The following CABYR variants were observed in gnomAD, a reference collection of about 807,000 sequenced individuals.
CABYR encodes calcium-binding tyrosine phosphorylation-regulated protein.
A neutral mutation model predicts 36.1 loss-of-function variants in CABYR; 31 were observed. The observed-to-expected ratio is 0.86, with a 90% CI of 0.64 to 1.16. CABYR has a LOEUF of 1.16. Ranked by LOEUF, CABYR falls within the 50% of genes most tolerant of loss-of-function variation. The pLI is 0.00. For missense variants in CABYR, 429 were observed against 455.8 expected (o/e 0.94, Z 0.53); for synonymous variants, 146 against 160.7 (o/e 0.91, Z 0.69).
chr18:24,150,073 C>A (rs956889124), intron 3 of CABYR, among the ~76,000 whole-genome samples: 12 of 152,358 alleles, frequency 7.9e-5, no homozygotes, highest in Admixed American at 6.5e-4. Context: ...GCGCCAAGAG[C>A]GAGCAAGGGC....
At chr18:24,156,080 GTTAA>G in intron 4 of CABYR, 38 bp downstream of exon 4, 1 of 1,614,210 alleles carries the variant, frequency 6.2e-7, no homozygotes, top group South Asian at 1.1e-5. Context: ...AATCTGATGT[GTTAA>G]TGGTGGATGT....
chr18:24,155,976 A>G lies in CABYR; in HGVS notation c.475A>G (p.Thr159Ala). 3.1e-6 allele frequency: 5 copies of G among 1,614,070 alleles called. No homozygotes were observed. The highest frequency in any genetic ancestry group is 4.2e-6 in the Non-Finnish European group (5 of 1,180,016). ...TTTPPSSPPP[T>A]AVSPEFAYVP... ...TACCCCACCCTCATCACCACCTCCA[A>G]CAGCTGTCTCACCAGAGTTTGCCTA... The change falls in exon 4 of 6, where the codon ACA becomes GCA. Residue 159 changes from threonine (T) to alanine (A), a missense_variant. By Grantham distance (58) the Thr-to-Ala change is moderately conservative (BLOSUM62 0). Coordinates refer to ENST00000399496, the MANE Select transcript of CABYR (RefSeq NM_153769.3).
In CABYR at chr18:24,156,430, A is replaced by C; in HGVS notation, c.541+388A>C. 4 of 1,614,178 alleles carry C rather than the reference A, an allele frequency of 2.5e-6. No homozygotes were observed. In the South Asian group the frequency reaches 4.4e-5, roughly 18 times the overall value. On this transcript the variant is annotated intron_variant, in intron 4 of 5. Coordinates refer to ENST00000399496, the MANE Select transcript of CABYR (RefSeq NM_153769.3). ...GTGACTGAAGGAGTTGTTTATATCG[A>C]GCAACTGCCAGAACAAATAGTTATC... is the stretch of plus-strand genomic sequence containing the variant.
intron 1 of CABYR, among the ~76,000 whole-genome samples, chr18:24,142,255 G>T (rs2085341970): frequency 6.6e-6 from 1 of 152,032 alleles, no homozygotes; most frequent in Non-Finnish European, 1.5e-5. Flanking sequence ...GGAAGGGGAG[G>T]TTGCAGTTAG....
Position 24,159,783 on chromosome 18 carries a change from T to G in CABYR, c.853T>G (p.Ser285Ala). The part of the protein sequence containing the change: ...PLPGHAVVSQ[S>A]DVLRYVAMQV... ...TCCTGGACATGCTGTCGTTTCACAG[T>G]CAGATGTCTTGAGATATGTTGCAAT... The change falls in exon 5 of 6, where the codon TCA becomes GCA. Residue 285 changes from serine (S) to alanine (A), a missense_variant. Ser to Ala is a moderately conservative substitution (Grantham distance 99). Transcript: ENST00000399496. 1 of 1,614,114 alleles carries G rather than the reference T, an allele frequency of 6.2e-7. No individual in the cohort carries two copies. The highest frequency in any genetic ancestry group is 8.5e-7 in the Non-Finnish European group (1 of 1,180,022).
At chr18:24,152,964 A>G (rs928429871) in intron 3 of CABYR, 5 of 152,528 alleles carry the variant, frequency 3.3e-5, no homozygotes, top group Non-Finnish European at 7.3e-5. Context: ...TCACTGTACT[A>G]CAGGCCTCAA....
Position 24,143,392 on chromosome 18 carries a change from A to G in CABYR, c.178A>G (p.Lys60Glu). The G allele has an allele frequency of 6.4e-7, 1 of 1,569,300 alleles. No individual in the cohort carries two copies. The highest frequency in any genetic ancestry group is 1.4e-5 in the African/African-American group (1 of 73,772). The change falls in exon 3 of 6, where the codon AAA becomes GAA. Residue 60 changes from lysine to glutamate, a missense_variant. Coordinates refer to ENST00000399496, the MANE Select transcript of CABYR (RefSeq NM_153769.3). ...NTTMDIKDLVKQFHQIKVEKW... is the reference protein window; with the variant it reads ...NTTMDIKDLVEQFHQIKVEKW... ...TACTATGGATATAAAAGATCTGGTT[A>G]AACAATTTCATCAGATTAAAGGTAA...
At chr18:24,144,823 A>T (rs1255930467) in intron 3 of CABYR, among the ~76,000 whole-genome samples, 1 of 152,254 alleles carries the variant, frequency 6.6e-6, no homozygotes, top group East Asian at 1.9e-4. Context: ...ACAGATTTTT[A>T]AACCAAGATC....
At chr18:24,141,782 C>T (rs2085327145) in intron 1 of CABYR, among the ~76,000 whole-genome samples, 1 of 152,082 alleles carries the variant, frequency 6.6e-6, no homozygotes, top group Non-Finnish European at 1.5e-5. Context: ...CTGAGAATTA[C>T]AGGTTGGTCT....
At chr18:24,155,295 G>A (rs2085748872) in intron 3 of CABYR, among the ~76,000 whole-genome samples, 1 of 152,150 alleles carries the variant, frequency 6.6e-6, no homozygotes, top group Non-Finnish European at 1.5e-5. Context: ...ACCTTAGGAT[G>A]ATATCTGATT....
At chr18:24,157,770 A>G (rs1477802260) in intron 4 of CABYR, among the ~76,000 whole-genome samples, 1 of 152,088 alleles carries the variant, frequency 6.6e-6, no homozygotes, top group Non-Finnish European at 1.5e-5. Context: ...ACATGATGTG[A>G]CCTTCATCTC....
intron 3 of CABYR, among the ~76,000 whole-genome samples, chr18:24,145,461 C>A (rs2085436374): frequency 6.6e-6 from 1 of 152,160 alleles, no homozygotes; most frequent in South Asian, 2.1e-4. Context: ...ATAGCCCAAG[C>A]AGTGAGTGAA....
intron 3 of CABYR, chr18:24,150,529 CTT>C (rs2085593603): frequency 1.1e-6 from 1 of 941,810 alleles, no homozygotes; most frequent in African/African-American, 1.8e-5. Flanking sequence ...TCTTATTCCT[CTT>C]TGATAGATGG....
intron 5 of CABYR, chr18:24,160,721 A>C (rs987885877): frequency 6.5e-6 from 1 of 152,814 alleles, no homozygotes; most frequent in Non-Finnish European, 1.5e-5. Context: ...CAGACAAAAA[A>C]GTGTATTACA....
chr18:24,143,065 CTTCTAAGACTTTTTCTTCA>C lies in CABYR; in HGVS notation c.-24-20_-24-2del. On this transcript the variant is annotated splice_region_variant and splice_polypyrimidine_tract_variant and intron_variant, in intron 1 of 5. Coordinates refer to ENST00000399496, the MANE Select transcript of CABYR (RefSeq NM_153769.3). ...AAACCTATTTTAGTAAAACTAATTA[CTTCTAAGACTTTTTCTTCA>C]TTCTAGTTGAGTTACAGACATCCTG... 7.2e-6 allele frequency: 8 copies of C among 1,110,020 alleles called. No individual in the cohort carries two copies. Among genetic ancestry groups the C allele is most frequent in the Non-Finnish European group, 1.0e-5 (8 of 780,068 alleles). The allele number at this position is 1,110,020 out of a possible 1,614,324, so 68.8% of individuals were successfully genotyped here.
chr18:24,140,568 TATACTC>T (rs1369260411), intron 1 of CABYR, among the ~76,000 whole-genome samples: 2 of 152,166 alleles, frequency 1.3e-5, no homozygotes, highest in East Asian at 3.9e-4. Flanking sequence ...ACAATCCAGT[TATACTC>T]TTTCTGTTAT....
chr18:24,159,477 G>C lies in CABYR; in HGVS notation c.547G>C (p.Ala183Pro). 1 of 1,610,044 alleles carries C rather than the reference G, an allele frequency of 6.2e-7. No individual in the cohort carries two copies. Among genetic ancestry groups the C allele is most frequent in the East Asian group, 2.2e-5 (1 of 44,838 alleles). The change falls in exon 5 of 6, where the codon GCA (alanine) becomes CCA (proline). Residue 183 changes from alanine to proline, a missense_variant. Physicochemically the swap from Ala to Pro is conservative, Grantham distance 27. Coordinates refer to ENST00000399496, the MANE Select transcript of CABYR (RefSeq NM_153769.3). Reference sequence around the variant, plus strand: ...TGCAAAATTTTTTTTTATAGCAATGGCAACAAGTGAACGAGGACAACCACC... The same window carrying C: ...TGCAAAATTTTTTTTTATAGCAATGCCAACAAGTGAACGAGGACAACCACC... ...AQLAAQMLAM[A>P]TSERGQPPPC...
At chr18:24,158,521 T>G (rs1005788162) in intron 4 of CABYR, among the ~76,000 whole-genome samples, 4 of 152,148 alleles carry the variant, frequency 2.6e-5, no homozygotes, top group African/African-American at 9.7e-5. Flanking sequence ...TTTCTCCATG[T>G]TGGTCAGGCT....
intron 3 of CABYR, among the ~76,000 whole-genome samples, chr18:24,154,102 C>A (rs1205802133): frequency 1.6e-4 from 9 of 57,432 alleles, no homozygotes; most frequent in Non-Finnish European, 2.1e-4. Context: ...GACTCCATCT[C>A]AAAAAAAAAA....
Sources: gnomAD v4.1 joint callset for allele counts (sites outside exome capture counted in the v4.1 genomes callset) on GRCh38, gnomAD v4.1.1 for gene constraint, MANE v1.5 for transcripts, NCBI Gene and HGNC (gene_info 2026-07-23, HGNC 2026-07-21) for gene names.